Variants in MYO1D observed in about 807,000 individuals in gnomAD.
MYO1D encodes the protein myosin ID.
MYO1D carries 83 observed loss-of-function variants against 122.0 expected under a neutral mutation model. The observed-to-expected ratio is 0.68, with a 90% confidence interval of 0.57 to 0.82. The LOEUF (loss-of-function observed/expected upper bound fraction) is 0.82. MYO1D is among the 40% of genes least tolerant of loss of function. MYO1D has a pLI of 0.00. For missense variants in MYO1D, 1,157 were observed against 1,269.5 expected (o/e 0.91, Z 1.35); for synonymous variants, 464 against 446.9 (o/e 1.04, Z -0.48).
At chr17:32,606,656 ATGAT>A (rs2087631635) in intron 20 of MYO1D, among the ~76,000 whole-genome samples, 1 of 152,242 alleles carries the variant, frequency 6.6e-6, no homozygotes, top group Non-Finnish European at 1.5e-5. Context: ...ACATCTATCC[ATGAT>A]AAAAATTTCT....
intron 21 of MYO1D, among the ~76,000 whole-genome samples, chr17:32,508,824 A>C (rs2150857763): frequency 6.6e-6 from 1 of 152,342 alleles, no homozygotes; most frequent in African/African-American, 2.4e-5. Context: ...ACCTCTATGC[A>C]TCCTGCCCCT....
chr17:32,689,438 T>C (rs2089065162), intron 16 of MYO1D, among the ~76,000 whole-genome samples: 1 of 152,212 alleles, frequency 6.6e-6, no homozygotes, highest in Admixed American at 6.5e-5. Context: ...TAGATAGCGA[T>C]GTTTGACAAC....
chr17:32,828,423 G>A (rs2090741786), intron 1 of MYO1D, among the ~76,000 whole-genome samples: 1 of 149,924 alleles, frequency 6.7e-6, no homozygotes, highest in Non-Finnish European at 1.5e-5. Flanking sequence ...GGCTGAGGCA[G>A]GAGAATGGCG....
At chr17:32,659,580 A>C (rs2150953757) in intron 16 of MYO1D, 1 of 535,442 alleles carries the variant, frequency 1.9e-6, no homozygotes, top group East Asian at 3.2e-5. Context: ...GTGTGTGCTG[A>C]GCCTGAAGCT....
At position 32,660,839 on chromosome 17, in the gene MYO1D, A is replaced by G. The variant is rs116523537; in HGVS notation, c.2122-1501T>C. Among the ~76,000 whole-genome samples, 822 of 152,306 alleles carry G rather than the reference A, an allele frequency of 5.4e-3. 7 individuals are homozygous for G. Among genetic ancestry groups the G allele is most frequent in the African/African-American group, 0.018 (766 of 41,572 alleles). ...ACGCCTCCACCCAAGTGCAAAAATA[A>G]AGCTCCCTTCTTTAGCATCTTGAAA... On this transcript the variant is annotated intron_variant, in intron 16 of 21. Coordinates refer to ENST00000318217, the MANE Select transcript of MYO1D (RefSeq NM_015194.3).
rs1486999309 is a variant in MYO1D at position 32,493,211 on chromosome 17, G to T, written c.*1548C>A. ...AGGCAGCTGACCAGGCTTGGAGAATGAGAAAGGGTTCCCAAGGACAGGATG... is the reference window on the plus strand; with the variant it reads ...AGGCAGCTGACCAGGCTTGGAGAATTAGAAAGGGTTCCCAAGGACAGGATG... On this transcript the variant is annotated 3_prime_UTR_variant, in exon 22 of 22. Coordinates refer to ENST00000318217, the MANE Select transcript of MYO1D (RefSeq NM_015194.3). The T allele has an allele frequency of 1.3e-5, 2 of 152,268 alleles. No individual in the cohort carries two copies. The highest frequency in any genetic ancestry group is 1.5e-5 in the Non-Finnish European group (1 of 68,064). The allele number at this position is 152,268 out of a possible 1,614,324, so 9.4% of individuals were successfully genotyped here. A position where few individuals can be genotyped will look rare whatever the true frequency, so the allele number is the denominator to read the frequency against.
intron 21 of MYO1D, among the ~76,000 whole-genome samples, chr17:32,503,200 C>A (rs1251820736): frequency 6.6e-6 from 1 of 152,230 alleles, no homozygotes; most frequent in Non-Finnish European, 1.5e-5. Flanking sequence ...ACAGGCCACT[C>A]CTGTCCAGAA....
chr17:32,811,393 A>C (rs1227588791), intron 1 of MYO1D, among the ~76,000 whole-genome samples: 1 of 152,190 alleles, frequency 6.6e-6, no homozygotes, highest in Non-Finnish European at 1.5e-5. Context: ...CCAGTCAATG[A>C]GGATGCATGC....
chr17:32,553,464 G>A (rs1402624958), intron 21 of MYO1D, among the ~76,000 whole-genome samples: 1 of 152,156 alleles, frequency 6.6e-6, no homozygotes, highest in Non-Finnish European at 1.5e-5. Context: ...CCAGGGCTGC[G>A]AATGGACCTG....
chr17:32,587,164 G>A (rs954674931), intron 21 of MYO1D, among the ~76,000 whole-genome samples: 4 of 152,046 alleles, frequency 2.6e-5, no homozygotes, highest in African/African-American at 7.2e-5. Flanking sequence ...AATTCATAGT[G>A]ACTTAAGCAA....
intron 19 of MYO1D, among the ~76,000 whole-genome samples, chr17:32,648,348 A>T (rs1208128402): frequency 6.6e-6 from 1 of 152,232 alleles, no homozygotes; most frequent in Non-Finnish European, 1.5e-5. Flanking sequence ...CCAGTTCCTG[A>T]CACAAAGCTC....
At chr17:32,549,060 T>A (rs1346009942) in intron 21 of MYO1D, among the ~76,000 whole-genome samples, 1 of 152,146 alleles carries the variant, frequency 6.6e-6, no homozygotes, top group African/African-American at 2.4e-5. Flanking sequence ...ACATTTACAC[T>A]GAAAAAATAT....
rs757720988 is a variant in MYO1D, at chr17:32,494,829, C to T, written c.2951G>A (p.Arg984Gln). 7 of 1,613,650 alleles carry T rather than the reference C, an allele frequency of 4.3e-6. No homozygotes were observed. Among genetic ancestry groups the T allele is most frequent in the Admixed American group, 3.3e-5 (2 of 59,994 alleles). The change falls in exon 22 of 22, where the codon CGG (arginine) becomes CAG (glutamine). Residue 984 changes from arginine to glutamine, a missense_variant. Coordinates refer to ENST00000318217, the MANE Select transcript of MYO1D (RefSeq NM_015194.3). ...GAAGTCGGGCTGGGGCTGGTTGAGC[C>T]GCGTCTCCACGGAGACGGTGCACTT... The part of the protein sequence containing the change: ...GKKCTVSVET[R>Q]LNQPQPDFTK...
chr17:32,727,902 A>G (rs769171929), intron 14 of MYO1D, among the ~76,000 whole-genome samples: 1 of 152,236 alleles, frequency 6.6e-6, no homozygotes, highest in Non-Finnish European at 1.5e-5. Flanking sequence ...TGGCATAGCT[A>G]TATTATTCAT....
chr17:32,849,047 G>A (rs2090962229), intron 1 of MYO1D, among the ~76,000 whole-genome samples: 1 of 152,130 alleles, frequency 6.6e-6, no homozygotes, highest in Non-Finnish European at 1.5e-5. Flanking sequence ...TAAAAATTAA[G>A]TGTTTTCCAT....
At chr17:32,503,880 ATC>A in intron 21 of MYO1D, among the ~76,000 whole-genome samples, 1 of 152,282 alleles carries the variant, frequency 6.6e-6, no homozygotes, top group Non-Finnish European at 1.5e-5. Flanking sequence ...CACACAGGGA[ATC>A]TCTTTCAAAA....
At chr17:32,713,706 C>T (rs2160957) in intron 15 of MYO1D, among the ~76,000 whole-genome samples, 65,689 of 151,906 alleles carry the variant, frequency 0.43, 14,814 homozygotes, top group East Asian at 0.73. Context: ...CAGCTCACTG[C>T]AACCCCCGCC....
intron 21 of MYO1D, among the ~76,000 whole-genome samples, 188 bp from the exon 22 acceptor site, chr17:32,495,103 C>A (rs1451661704): frequency 1.3e-5 from 2 of 152,262 alleles, no homozygotes; most frequent in Admixed American, 6.5e-5. Flanking sequence ...CCTCCAACCA[C>A]AGCCTCGGCA....
intron 4 of MYO1D, among the ~76,000 whole-genome samples, chr17:32,775,000 G>C (rs902565665): frequency 2.6e-5 from 4 of 152,120 alleles, no homozygotes; most frequent in African/African-American, 7.2e-5. Context: ...TGATAATCAA[G>C]ATTAGTTAAG....
Sources: gnomAD v4.1 joint callset for allele counts (sites outside exome capture counted in the v4.1 genomes callset) on GRCh38, gnomAD v4.1.1 for gene constraint, MANE v1.5 for transcripts, NCBI Gene and HGNC (gene_info 2026-07-23, HGNC 2026-07-21) for gene names.